The following PDGFRB variants were observed in gnomAD, a reference collection of about 807,000 sequenced individuals.
PDGFRB encodes platelet derived growth factor receptor beta.
Under a neutral mutation model 120.2 loss-of-function variants are expected in PDGFRB, and 42 were observed. The ratio of observed to expected loss-of-function variants is 0.35; its 90% CI spans 0.27 to 0.45. The LOEUF (loss-of-function observed/expected upper bound fraction) is 0.45, where lower values mean the gene tolerates loss of function less well. PDGFRB is among the 20% of genes least tolerant of loss of function. PDGFRB has a pLI of 1.00. For synonymous variants in PDGFRB, 586 were observed against 606.8 expected (o/e 0.97, Z 0.50); for missense variants, 1,149 against 1,476.3 (o/e 0.78, Z 3.63).
intron 6 of PDGFRB, 28 bp downstream of exon 6, chr5:150,133,558 G>T (rs1446285614): frequency 6.3e-7 from 1 of 1,597,702 alleles, no homozygotes; most frequent in Non-Finnish European, 8.6e-7. Context: ...GAAGGAATTG[G>T]GGATTGGGCT....
chr5:150,135,965 C>T (rs1326562385), intron 2 of PDGFRB, 87 bp from the exon 3 acceptor site: 7 of 859,692 alleles, frequency 8.1e-6, no homozygotes, highest in Non-Finnish European at 1.2e-5. Context: ...CACGTATGCA[C>T]AGCCCTCAGG....
At position 150,143,352 on chromosome 5, in the gene PDGFRB, G is replaced by A. The variant is rs534199529; in HGVS notation, c.-6-6299C>T. Reference sequence around the variant, plus strand: ...AGTTTCCTTATCTGTGCAAAAGGGTGGGCAAGAGTGTCTTGGGAGCACTTT... The same window carrying A: ...AGTTTCCTTATCTGTGCAAAAGGGTAGGCAAGAGTGTCTTGGGAGCACTTT... On this transcript the variant is annotated intron_variant, in intron 1 of 22. Coordinates refer to ENST00000261799, the MANE Select transcript of PDGFRB (RefSeq NM_002609.4). 1.4e-4 allele frequency among the ~76,000 whole-genome samples: 22 copies of A among 152,314 alleles called. 1 individual carries two copies. In the South Asian group the frequency reaches 4.3e-3, roughly 30 times the overall value.
chr5:150,127,833 TAAAA>T (rs56899708), intron 10 of PDGFRB, among the ~76,000 whole-genome samples: 5 of 62,430 alleles, frequency 8.0e-5, no homozygotes, highest in African/African-American at 3.7e-4. Context: ...GACTCCATCT[TAAAA>T]AAAAAAAAAA....
intron 10 of PDGFRB, among the ~76,000 whole-genome samples, chr5:150,129,103 C>T (rs1245689624): frequency 6.6e-6 from 1 of 152,182 alleles, no homozygotes; most frequent in Non-Finnish European, 1.5e-5. Context: ...GGGAATTATG[C>T]TTGTACACTT....
rs745486517 is a variant in PDGFRB at position 150,117,833 on chromosome 5, A to C, written c.2922T>G (p.Asp974Glu). 5.0e-6 allele frequency: 8 copies of C among 1,609,250 alleles called. No individual in the cohort carries two copies. The highest frequency in any genetic ancestry group is 1.3e-5 in the African/African-American group (1 of 74,830). Reference protein sequence around the residue: ...EGYKKKYQQVDEEFLRSDHPA... With the variant: ...EGYKKKYQQVEEEFLRSDHPA... ...GGTGGTCACTCCTCAGAAACTCCTC[A>C]TCCACCTGCTGGTACTTCTGCTCCC... Residue 974 changes from aspartate to glutamate, a missense_variant, in exon 22 of 23, where the codon GAT (aspartate) becomes GAG (glutamate). Coordinates refer to ENST00000261799, the MANE Select transcript of PDGFRB (RefSeq NM_002609.4).
At chr5:150,128,354 C>T (rs1399510282) in intron 10 of PDGFRB, among the ~76,000 whole-genome samples, 1 of 152,244 alleles carries the variant, frequency 6.6e-6, no homozygotes, top group South Asian at 2.1e-4. Context: ...CACCCATCCA[C>T]CACAGGGCAG....
chr5:150,125,945 G>T (rs935052130), intron 11 of PDGFRB, among the ~76,000 whole-genome samples: 1 of 152,192 alleles, frequency 6.6e-6, no homozygotes, highest in Non-Finnish European at 1.5e-5. Flanking sequence ...GGCTGGATGC[G>T]GATGGCCCTC....
At chr5:150,118,584 C>T (rs964397221) in intron 21 of PDGFRB, among the ~76,000 whole-genome samples, 163 bp downstream of exon 21, 1 of 152,200 alleles carries the variant, frequency 6.6e-6, no homozygotes, top group African/African-American at 2.4e-5. Flanking sequence ...AATAAACTCA[C>T]AGCGCCAGCC....
chr5:150,126,146 A>G (rs1461043060), intron 11 of PDGFRB, among the ~76,000 whole-genome samples: 1 of 152,244 alleles, frequency 6.6e-6, no homozygotes, highest in Non-Finnish European at 1.5e-5. Flanking sequence ...GACTAATAGG[A>G]TCAGAATGCA....
Position 150,155,426 on chromosome 5 carries a change from C to T in PDGFRB, c.-36G>A, listed in dbSNP as rs1761204547. 5.1e-6 allele frequency: 2 copies of T among 389,162 alleles called. No individual in the cohort carries two copies. Among genetic ancestry groups the T allele is most frequent in the African/African-American group, 4.2e-5 (2 of 47,996 alleles). The allele number at this position is 389,162 out of a possible 1,614,324, so 24.1% of individuals were successfully genotyped here. On this transcript the variant is annotated 5_prime_UTR_variant, in exon 1 of 23. The change creates a new upstream start codon in the 5' untranslated region. Transcript: ENST00000261799. ...CTGCTGATGGCTTCTGGTGTGGGCA[C>T]AGTTCCAGGCTCTGGACAGTCACCC...
intron 9 of PDGFRB, among the ~76,000 whole-genome samples, 178 bp downstream of exon 9, chr5:150,130,361 G>A (rs1369558089): frequency 6.6e-6 from 1 of 152,168 alleles, no homozygotes; most frequent in South Asian, 2.1e-4. Flanking sequence ...TAAAGGTAAG[G>A]AAAAGGGACC....
At chr5:150,148,619 C>T (rs1001446058) in intron 1 of PDGFRB, among the ~76,000 whole-genome samples, 7 of 152,236 alleles carry the variant, frequency 4.6e-5, no homozygotes, top group Admixed American at 2.0e-4. Context: ...TGGGTCCAAG[C>T]CCCAGTTCTC....
rs1759842379 is a variant in PDGFRB at position 150,114,048 on chromosome 5, C to T, written c.*1715G>A. 2.1e-5 allele frequency: 5 copies of T among 233,614 alleles called. No homozygotes were observed. The South Asian group carries it at 9.0e-4, about 42-fold the overall frequency. 14.5% of individuals were successfully genotyped at this position (233,614 alleles called of 1,614,324 possible). ...CCTCCTTGGACCAACTCTGGGGATC[C>T]CAGGGAAGTAAGGTGCCAACCTGCA... On this transcript the variant is annotated 3_prime_UTR_variant, in exon 23 of 23. Transcript: ENST00000261799.
At chr5:150,144,603 C>T (rs1464176969) in intron 1 of PDGFRB, among the ~76,000 whole-genome samples, 5 of 152,264 alleles carry the variant, frequency 3.3e-5, no homozygotes, top group Non-Finnish European at 7.3e-5. Context: ...CACCCCCTCA[C>T]CCGTCAGAGT....
chr5:150,155,406 G>A lies in PDGFRB; in HGVS notation c.-16C>T. ...TTTTTCCAGCACTTACCTTGCTGCTGATGGCTTCTGGTGTGGGCACAGTTC... is the reference window on the plus strand; with the variant it reads ...TTTTTCCAGCACTTACCTTGCTGCTAATGGCTTCTGGTGTGGGCACAGTTC... On this transcript the variant is annotated 5_prime_UTR_variant, in exon 1 of 23. Transcript: ENST00000261799. 2 of 371,184 alleles carry A rather than the reference G, an allele frequency of 5.4e-6. No individual in the cohort carries two copies. Among genetic ancestry groups the A allele is most frequent in the Non-Finnish European group, 4.7e-6 (1 of 211,200 alleles). 23.0% of individuals were successfully genotyped at this position (371,184 alleles called of 1,614,324 possible).
rs1760000827 is a variant in PDGFRB at position 150,117,645 on chromosome 5, G to C, written c.3110C>G (p.Pro1037Arg). 1 of 1,612,320 alleles carries C rather than the reference G, an allele frequency of 6.2e-7. No homozygotes were observed. Among genetic ancestry groups the C allele is most frequent in the Non-Finnish European group, 8.5e-7 (1 of 1,178,586 alleles). Residue 1037 changes from proline to arginine, a missense_variant, in exon 22 of 23, where the codon CCA (proline) becomes CGA (arginine). Physicochemically the swap from Pro to Arg is moderately radical, Grantham distance 103. This residue lies in a region of PDGFRB where 202 missense variants were observed against 214.3 expected (regional missense o/e 0.94). Transcript: ENST00000261799. ...GGCTAGGCTGGGGGAACCCTCCAGT[G>C]GGCCCTCGTCAGCAACCTCGGGTTT... ...DPKPEVADEG[P>R]LEGSPSLASS...
chr5:150,152,108 T>C (rs1761094287), intron 1 of PDGFRB, among the ~76,000 whole-genome samples: 1 of 151,986 alleles, frequency 6.6e-6, no homozygotes. Flanking sequence ...GGTTTCACCA[T>C]GTTGGCCAGG....
rs1221401990 is a variant in PDGFRB, at chr5:150,118,325, C to T, written c.2904+422G>A. Among the ~76,000 whole-genome samples the T allele has an allele frequency of 3.9e-5, 6 of 152,236 alleles. No homozygotes were observed. The South Asian group carries it at 6.2e-4, about 16-fold the overall frequency. On this transcript the variant is annotated intron_variant, in intron 21 of 22. Coordinates refer to ENST00000261799, the MANE Select transcript of PDGFRB (RefSeq NM_002609.4). Reference sequence around the variant, plus strand: ...CCTCACTTGGACCCGTGTTGTTGGACGGGGCAGGGTTTCAGGGCCCTACTG... The same window carrying T: ...CCTCACTTGGACCCGTGTTGTTGGATGGGGCAGGGTTTCAGGGCCCTACTG...
intron 11 of PDGFRB, among the ~76,000 whole-genome samples, chr5:150,126,008 G>C (rs778538600): frequency 2.6e-5 from 4 of 152,228 alleles, no homozygotes; most frequent in Non-Finnish European, 5.9e-5. Flanking sequence ...GACATCTTAA[G>C]GTGTTGGAAC....
Sources: allele counts gnomAD v4.1 joint callset (sites outside exome capture counted in the v4.1 genomes callset), GRCh38; gene constraint gnomAD v4.1.1; regional missense constraint gnomAD v4.1.1; transcripts MANE v1.5; gene names NCBI Gene and HGNC (gene_info 2026-07-23, HGNC 2026-07-21).